The following TMA16 variants were observed in gnomAD, a reference collection of about 807,000 sequenced individuals.
The protein encoded by TMA16 is translation machinery-associated protein 16.
Under a neutral mutation model 27.1 loss-of-function variants are expected in TMA16, and 26 were observed. The ratio of observed to expected loss-of-function variants is 0.96; its 90% CI spans 0.70 to 1.33. TMA16 has a LOEUF of 1.33. TMA16 is among the 40% of genes most tolerant of loss of function. The probability of loss-of-function intolerance (pLI) is 0.00; values close to 1 mark genes in which losing one functional copy is unlikely to be tolerated. For synonymous variants in TMA16, 71 were observed against 81.9 expected, an observed-to-expected ratio of 0.87 and a Z score of 0.72; for missense variants, 233 against 241.4, an observed-to-expected ratio of 0.97 and a Z score of 0.23.
At chr4:163,497,578 A>G (rs1187713501) in intron 1 of TMA16, among the ~76,000 whole-genome samples, 1 of 152,106 alleles carries the variant, frequency 6.6e-6, no homozygotes, top group Non-Finnish European at 1.5e-5. Context: ...GAGGTCATCT[A>G]CATTCTTTGG....
At chr4:163,509,636 T>C (rs976749595) in intron 2 of TMA16, among the ~76,000 whole-genome samples, 3 of 152,188 alleles carry the variant, frequency 2.0e-5, no homozygotes, top group Non-Finnish European at 2.9e-5. Context: ...GAAAAGATAC[T>C]GTAGGAGTGG....
chr4:163,514,201 A>G (rs1433767533), intron 4 of TMA16, 43 bp downstream of exon 4: 4 of 1,501,314 alleles, frequency 2.7e-6, no homozygotes, highest in Non-Finnish European at 2.7e-6. Flanking sequence ...AGAAAAGGGA[A>G]TTGTCCAGCC....
At chr4:163,508,086 T>C (rs76727952) in intron 2 of TMA16, among the ~76,000 whole-genome samples, 16,815 of 152,134 alleles carry the variant, frequency 0.11, 1,007 homozygotes, top group African/African-American at 0.13. Flanking sequence ...ACTGTGATGA[T>C]AGCAGTTTTG....
chr4:163,516,855 T>C (rs1737886600), intron 5 of TMA16, among the ~76,000 whole-genome samples: 2 of 152,220 alleles, frequency 1.3e-5, no homozygotes, highest in Admixed American at 6.5e-5. Flanking sequence ...AGGCAGATTA[T>C]ACGTTTGAAA....
At chr4:163,516,548 T>G (rs979186637) in intron 5 of TMA16, among the ~76,000 whole-genome samples, 4 of 152,246 alleles carry the variant, frequency 2.6e-5, no homozygotes, top group Non-Finnish European at 5.9e-5. Context: ...TAAATTTCAT[T>G]TAACATTGTA....
At chr4:163,517,220 T>C in intron 5 of TMA16, 1 of 550,172 alleles carries the variant, frequency 1.8e-6, no homozygotes. Flanking sequence ...TTGTTTTATT[T>C]CATGGATTCT....
intron 1 of TMA16, among the ~76,000 whole-genome samples, chr4:163,506,568 C>T (rs941250365): frequency 3.3e-5 from 5 of 152,100 alleles, no homozygotes; most frequent in Admixed American, 1.3e-4. Context: ...CTAATTTGTA[C>T]AGGCAATGAG....
intron 3 of TMA16, among the ~76,000 whole-genome samples, chr4:163,513,441 C>T (rs981235512): frequency 6.6e-6 from 1 of 152,026 alleles, no homozygotes; most frequent in Non-Finnish European, 1.5e-5. Context: ...TTTTTTTGAT[C>T]TGTAATCTTG....
In TMA16 at chr4:163,517,478, T is replaced by G; in HGVS notation, c.431+2T>G. ...TGCAAGTAATCTGAAAACATTTAGGTGAGTCTGTCTTGTATTGTTCCCCTG... is the reference window on the plus strand; with the variant it reads ...TGCAAGTAATCTGAAAACATTTAGGGGAGTCTGTCTTGTATTGTTCCCCTG... On this transcript the variant is annotated splice_donor_variant, in intron 6 of 6. Transcript: ENST00000358572. LOFTEE classifies it high-confidence loss of function. 6.2e-7 allele frequency: 1 copy of G among 1,613,282 alleles called. No individual in the cohort carries two copies. Among genetic ancestry groups the G allele is most frequent in the Non-Finnish European group, 8.5e-7 (1 of 1,179,578 alleles).
At chr4:163,500,592 CAAG>C (rs770939615) in intron 1 of TMA16, among the ~76,000 whole-genome samples, 1 of 152,154 alleles carries the variant, frequency 6.6e-6, no homozygotes, top group Non-Finnish European at 1.5e-5. Flanking sequence ...TTGACTCAAA[CAAG>C]ACAGTGCCTT....
At chr4:163,511,431 G>A (rs1363454473) in intron 2 of TMA16, among the ~76,000 whole-genome samples, 1 of 151,906 alleles carries the variant, frequency 6.6e-6, no homozygotes, top group Non-Finnish European at 1.5e-5. Flanking sequence ...TAAGTAGTAA[G>A]GACTGTTTAT....
At chr4:163,519,244 C>T in intron 6 of TMA16, 90 bp from the exon 7 acceptor site, 1 of 1,223,752 alleles carries the variant, frequency 8.2e-7, no homozygotes, top group Non-Finnish European at 1.1e-6. Context: ...ATGTAGGATC[C>T]TCAGAGTTTC....
At chr4:163,494,843 TC>T in intron 1 of TMA16, 39 bp downstream of exon 1, 1 of 1,609,632 alleles carries the variant, frequency 6.2e-7, no homozygotes, top group South Asian at 1.1e-5. Flanking sequence ...CTCGGTTGGT[TC>T]CCCGGAAGGC....
intron 1 of TMA16, among the ~76,000 whole-genome samples, chr4:163,495,170 C>T (rs999275157): frequency 1.2e-4 from 18 of 152,320 alleles, no homozygotes; most frequent in African/African-American, 4.3e-4. Context: ...ACCTCTGCCT[C>T]TCTGGCCTGG....
chr4:163,519,453 G>C lies in TMA16; in HGVS notation c.551G>C (p.Gly184Ala). 1 of 1,605,224 alleles carries C rather than the reference G, an allele frequency of 6.2e-7. No individual in the cohort carries two copies. The highest frequency in any genetic ancestry group is 1.1e-5 in the South Asian group (1 of 89,182). Residue 184 changes from glycine (G) to alanine (A), a missense_variant, in exon 7 of 7, where the codon GGG (glycine) becomes GCG (alanine). By Grantham distance (60) the Gly-to-Ala change is moderately conservative. Transcript: ENST00000358572. ...KTIITVDQDL[G>A]ELELNDESSD... The stretch of plus-strand genomic sequence containing the variant: ...ATTATAACTGTAGACCAAGATTTGG[G>C]GGAATTGGAACTAAACGATGAATCA...
rs34832261 is a variant in TMA16 at position 163,500,210 on chromosome 4, C to CTT, written c.3+5423_3+5424dup. On this transcript the variant is annotated intron_variant, in intron 1 of 6. Coordinates refer to ENST00000358572, the MANE Select transcript of TMA16 (RefSeq NM_018352.3). ...TAGTTTATTTATCCATTCTTTCTTT[C>CTT]TTTTTTTTTTTTTTTTTTGAGTAGG... is the stretch of plus-strand genomic sequence containing the variant. Among the ~76,000 whole-genome samples, 62 of 132,244 alleles carry CTT rather than the reference C, an allele frequency of 4.7e-4. 1 individual carries two copies. The highest frequency in any genetic ancestry group is 1.1e-3 in the African/African-American group (40 of 34,956). The allele number at this position is 132,244 out of a possible 152,430, so 86.8% of individuals were successfully genotyped here.
At chr4:163,495,850 T>C (rs1737542091) in intron 1 of TMA16, among the ~76,000 whole-genome samples, 1 of 152,244 alleles carries the variant, frequency 6.6e-6, no homozygotes, top group Admixed American at 6.5e-5. Flanking sequence ...CTTTAGATTG[T>C]ACACATTTGT....
In TMA16 at chr4:163,494,812, C is replaced by T. The variant is rs754464406; in HGVS notation, c.3+8C>T. 2 of 1,611,832 alleles carry T rather than the reference C, an allele frequency of 1.2e-6. No individual in the cohort carries two copies. The highest frequency in any genetic ancestry group is 1.1e-5 in the South Asian group (1 of 91,076). ...CACGAGGACGTCACCATGGTGGGCC[C>T]CCTCCTGCTCCCCCGAACCGCTCGG... On this transcript the variant is annotated splice_region_variant and intron_variant, in intron 1 of 6. Transcript: ENST00000358572.
At chr4:163,506,803 C>T (rs903359803) in intron 1 of TMA16, among the ~76,000 whole-genome samples, 13 of 152,146 alleles carry the variant, frequency 8.5e-5, no homozygotes, top group African/African-American at 3.1e-4. Context: ...TGCCTTTCTT[C>T]TGTCATTGGA....
Sources: gnomAD v4.1 joint callset for allele counts (sites outside exome capture counted in the v4.1 genomes callset) on GRCh38, gnomAD v4.1.1 for gene constraint, MANE v1.5 for transcripts, NCBI Gene and HGNC (gene_info 2026-07-23, HGNC 2026-07-21) for gene names.